Variants in ATP2A2 observed in about 807,000 individuals in gnomAD.
ATP2A2 encodes the protein ATPase sarcoplasmic/endoplasmic reticulum Ca2+ transporting 2, also known as sarcoplasmic/endoplasmic reticulum calcium ATPase 2.
In ATP2A2, 14 loss-of-function variants were observed where a neutral mutation model predicts 109.3. The observed-to-expected ratio is 0.13, with a 90% CI of 0.08 to 0.20. The LOEUF (loss-of-function observed/expected upper bound fraction) is 0.20, where lower values mean the gene tolerates loss of function less well. Among genes scored for constraint, ATP2A2 ranks in the 10% least tolerant of loss-of-function variants. ATP2A2 has a pLI of 1.00. For synonymous variants in ATP2A2, 506 were observed against 490.9 expected (o/e 1.03, Z -0.41); for missense variants, 657 against 1,321.6 (o/e 0.50, Z 7.80).
chr12:110,341,877 A>C (rs1252391568), intron 14 of ATP2A2, among the ~76,000 whole-genome samples: 1 of 152,240 alleles, frequency 6.6e-6, no homozygotes, highest in African/African-American at 2.4e-5. Flanking sequence ...CAGAAAAATA[A>C]AAATTTGCAT....
intron 1 of ATP2A2, among the ~76,000 whole-genome samples, chr12:110,282,314 A>G (rs531038097): frequency 3.3e-5 from 5 of 152,300 alleles, no homozygotes; most frequent in Admixed American, 3.3e-4. Context: ...GGCAGAAGTG[A>G]TGACATCGCT....
intron 3 of ATP2A2, among the ~76,000 whole-genome samples, chr12:110,291,109 T>G (rs1185460761): frequency 6.6e-6 from 1 of 152,010 alleles, no homozygotes; most frequent in Admixed American, 6.6e-5. Context: ...GGTTTCTTCG[T>G]GTTGGTCAGG....
intron 5 of ATP2A2, among the ~76,000 whole-genome samples, chr12:110,306,169 G>C (rs1307670295): frequency 6.6e-6 from 1 of 152,146 alleles, no homozygotes; most frequent in African/African-American, 2.4e-5. Context: ...CTCCCCAGTA[G>C]CTGGGACCAG....
chr12:110,323,654 AC>A (rs1374842589), intron 6 of ATP2A2, among the ~76,000 whole-genome samples: 1 of 152,216 alleles, frequency 6.6e-6, no homozygotes, highest in Non-Finnish European at 1.5e-5. Flanking sequence ...TACAAAAAAT[AC>A]AAAAATTAGC....
Position 110,342,233 on chromosome 12 carries a change from C to T in ATP2A2, c.2103C>T (p.Gly701=), listed in dbSNP as rs765382896. The T allele has an allele frequency of 1.9e-5, 31 of 1,614,070 alleles. No individual in the cohort carries two copies. Among genetic ancestry groups the T allele is most frequent in the Admixed American group, 1.0e-4 (6 of 60,006 alleles). Residue 701 remains glycine, a synonymous_variant, in exon 15 of 20, where the codon GGC becomes GGT. Transcript: ENST00000539276. This position sits in a 1 kb window ranked among gnomAD's most constrained non-coding sequence, Gnocchi z 4.6. ...ACCATTGCTTTCCCTTTCAGACTGG[C>T]GATGGCGTGAACGATGCTCCTGCTC... The part of the protein sequence containing the change: ...QSFDEITAMT[G]DGVNDAPALK...
rs944459002 is a variant in ATP2A2, at chr12:110,340,540, A to G, written c.1762-119A>G. ...GCAACAAGAGCGAAACTCCGCCTCAAAAAAAAAAAAAGAAAAAAAATGCAG... is the reference window on the plus strand; with the variant it reads ...GCAACAAGAGCGAAACTCCGCCTCAGAAAAAAAAAAAGAAAAAAAATGCAG... On this transcript the variant is annotated intron_variant, in intron 13 of 19. Coordinates refer to ENST00000539276, the MANE Select transcript of ATP2A2 (RefSeq NM_170665.4). This position sits in a 1 kb window ranked among gnomAD's most constrained non-coding sequence, Gnocchi z 6.0. 9.3e-6 allele frequency: 9 copies of G among 964,856 alleles called. No homozygotes were observed. The Admixed American group carries it at 2.5e-4, about 26-fold the overall frequency. The allele number at this position is 964,856 out of a possible 1,614,324, so 59.8% of individuals were successfully genotyped here.
At chr12:110,290,612 G>A (rs1873158428) in intron 3 of ATP2A2, among the ~76,000 whole-genome samples, 1 of 152,148 alleles carries the variant, frequency 6.6e-6, no homozygotes, top group Non-Finnish European at 1.5e-5. Flanking sequence ...AAGAAGTATA[G>A]TTGTTTTTTT....
At chr12:110,305,186 A>G (rs12320025) in intron 5 of ATP2A2, among the ~76,000 whole-genome samples, 30,999 of 152,060 alleles carry the variant, frequency 0.2, 4,341 homozygotes, top group African/African-American at 0.4. Context: ...CGCCTGCCTC[A>G]GCCTCTCAAA....
At chr12:110,310,274 A>G (rs1566216324) in intron 5 of ATP2A2, among the ~76,000 whole-genome samples, 3 of 151,218 alleles carry the variant, frequency 2.0e-5, no homozygotes, top group Admixed American at 2.0e-4. Context: ...GGCATGAACC[A>G]CCGTGCCCGG....
intron 3 of ATP2A2, among the ~76,000 whole-genome samples, chr12:110,284,562 G>C (rs960074731): frequency 1.3e-4 from 19 of 151,926 alleles, no homozygotes; most frequent in African/African-American, 4.4e-4. Context: ...GATGTGTGTG[G>C]GTTTTGTTTG....
intron 5 of ATP2A2, among the ~76,000 whole-genome samples, chr12:110,307,759 T>G (rs1011840621): frequency 3.3e-5 from 5 of 151,708 alleles, no homozygotes; most frequent in African/African-American, 1.2e-4. Flanking sequence ...CTTTGTTGAG[T>G]GCATAGTTTG....
intron 5 of ATP2A2, among the ~76,000 whole-genome samples, chr12:110,316,125 G>C (rs1336743793): frequency 6.6e-6 from 1 of 152,218 alleles, no homozygotes; most frequent in African/African-American, 2.4e-5. Flanking sequence ...TTCCAAGTTA[G>C]TCTTAGCATT....
intron 18 of ATP2A2, 37 bp from the exon 19 acceptor site, chr12:110,345,964 T>C (rs776238247): frequency 5.7e-5 from 91 of 1,602,162 alleles, no homozygotes; most frequent in Non-Finnish European, 7.7e-5. Flanking sequence ...GTGCCTTGCC[T>C]TGGGGGTGCG....
intron 5 of ATP2A2, among the ~76,000 whole-genome samples, chr12:110,301,405 G>A (rs959248853): frequency 2.0e-5 from 3 of 152,124 alleles, no homozygotes; most frequent in Admixed American, 6.6e-5. Flanking sequence ...AGTCCTTCCC[G>A]TCTTTTGTAA....
chr12:110,333,356 G>T, intron 10 of ATP2A2, 73 bp downstream of exon 10: 1 of 1,359,322 alleles, frequency 7.4e-7, no homozygotes. Flanking sequence ...TGAAAGTCTA[G>T]CCTGCCTTCC....
chr12:110,324,805 G>T (rs896316810), intron 6 of ATP2A2, among the ~76,000 whole-genome samples: 4 of 150,746 alleles, frequency 2.7e-5, no homozygotes, highest in African/African-American at 9.7e-5. Flanking sequence ...TGAGAGAGCA[G>T]TTATAGTCTC....
At chr12:110,325,321 A>G (rs1453387352) in intron 6 of ATP2A2, among the ~76,000 whole-genome samples, 2 of 152,108 alleles carry the variant, frequency 1.3e-5, no homozygotes, top group Admixed American at 6.6e-5. Context: ...CCCTAATTAT[A>G]TATCTATGAC....
chr12:110,298,889 T>C (rs1284437325), intron 5 of ATP2A2, among the ~76,000 whole-genome samples: 1 of 152,212 alleles, frequency 6.6e-6, no homozygotes, highest in Non-Finnish European at 1.5e-5. Context: ...GATGTTCTCT[T>C]ATATAACCTC....
chr12:110,292,409 G>A (rs1349629772), intron 4 of ATP2A2, among the ~76,000 whole-genome samples: 2 of 152,044 alleles, frequency 1.3e-5, no homozygotes, highest in African/African-American at 4.8e-5. Context: ...TGGGACTACA[G>A]GCACGCACCA....
Sources: gnomAD v4.1 joint callset for allele counts (sites outside exome capture counted in the v4.1 genomes callset) on GRCh38, gnomAD v4.1.1 for gene constraint, Gnocchi (gnomAD v3.1) non-coding constraint, MANE v1.5 for transcripts, NCBI Gene and HGNC (gene_info 2026-07-23, HGNC 2026-07-21) for gene names.